Variants in MCTP1 observed in about 807,000 individuals in gnomAD.
MCTP1 encodes multiple C2 and transmembrane domain containing 1, also known as multiple C2 and transmembrane domain-containing protein 1.
A neutral mutation model predicts 120.6 loss-of-function variants in MCTP1; 69 were observed. The ratio of observed to expected loss-of-function variants is 0.57; its 90% CI spans 0.47 to 0.70. The LOEUF is 0.70. MCTP1 is among the 30% of genes least tolerant of loss of function. MCTP1 has a pLI of 0.00. For missense variants in MCTP1, 1,203 were observed against 1,248.8 expected, an observed-to-expected ratio of 0.96 and a Z score of 0.55; for synonymous variants, 529 against 493.1, an observed-to-expected ratio of 1.07 and a Z score of -0.96.
At chr5:94,715,375 A>C (rs1010967823) in intron 19 of MCTP1, among the ~76,000 whole-genome samples, 8 of 150,650 alleles carry the variant, frequency 5.3e-5, no homozygotes, top group East Asian at 1.9e-4. Context: ...AAAAAAAAAA[A>C]AAAAAAAAAA....
intron 1 of MCTP1, among the ~76,000 whole-genome samples, chr5:95,029,711 A>G (rs1038239149): frequency 1.1e-4 from 16 of 152,172 alleles, no homozygotes; most frequent in African/African-American, 3.6e-4. Flanking sequence ...ACTCAGGGCA[A>G]TGCTATCTGT....
At chr5:94,721,837 CTGTTT>C (rs1466792493) in intron 19 of MCTP1, among the ~76,000 whole-genome samples, 3 of 75,584 alleles carry the variant, frequency 4.0e-5, no homozygotes, top group African/African-American at 1.5e-4. Flanking sequence ...GGTAGTGACA[CTGTTT>C]TGTTTTTTTT....
At chr5:95,055,965 A>C (rs1052284170) in intron 1 of MCTP1, among the ~76,000 whole-genome samples, 1 of 152,250 alleles carries the variant, frequency 6.6e-6, no homozygotes, top group South Asian at 2.1e-4. Context: ...TATGCTATAC[A>C]TGTACTTTTA....
At chr5:95,012,791 G>A (rs1249538991) in intron 2 of MCTP1, among the ~76,000 whole-genome samples, 1 of 151,964 alleles carries the variant, frequency 6.6e-6, no homozygotes, top group Non-Finnish European at 1.5e-5. Flanking sequence ...CTTCTCCTCA[G>A]GCCTCCCTAT....
intron 1 of MCTP1, among the ~76,000 whole-genome samples, chr5:95,099,739 G>C (rs1208465683): frequency 2.0e-5 from 3 of 151,582 alleles, no homozygotes; most frequent in Non-Finnish European, 4.4e-5. Flanking sequence ...TCTAGAACTA[G>C]AAATACCATT....
chr5:95,183,191 G>T (rs939947061), intron 1 of MCTP1, among the ~76,000 whole-genome samples: 1 of 152,184 alleles, frequency 6.6e-6, no homozygotes, highest in Non-Finnish European at 1.5e-5. Context: ...AATTCAAAGA[G>T]AAATGGATAG....
intron 1 of MCTP1, among the ~76,000 whole-genome samples, chr5:95,247,701 T>C (rs188442922): frequency 6.6e-6 from 1 of 152,344 alleles, no homozygotes; most frequent in African/African-American, 2.4e-5. Flanking sequence ...TTGTGCGATT[T>C]TGAGTGAGTC....
intron 10 of MCTP1, among the ~76,000 whole-genome samples, chr5:94,908,520 AT>A (rs1212186042): frequency 3.3e-5 from 5 of 151,592 alleles, no homozygotes; most frequent in African/African-American, 7.3e-5. Flanking sequence ...TGAGGAAAGA[AT>A]TTTTTTTTAA....
At chr5:95,081,041 TA>T (rs1374817948) in intron 1 of MCTP1, among the ~76,000 whole-genome samples, 4 of 152,164 alleles carry the variant, frequency 2.6e-5, no homozygotes, top group African/African-American at 9.6e-5. Flanking sequence ...GATAATCATA[TA>T]AATCTGATAT....
At position 94,901,836 on chromosome 5, in the gene MCTP1, C is replaced by T. The variant is rs565075252; in HGVS notation, c.1653-7001G>A. Among the ~76,000 whole-genome samples the T allele has an allele frequency of 4.7e-4, 72 of 152,218 alleles. 1 individual carries two copies. The highest frequency in any genetic ancestry group is 7.6e-4 in the Non-Finnish European group (52 of 68,014). On this transcript the variant is annotated intron_variant, in intron 10 of 22. Coordinates refer to ENST00000515393, the MANE Select transcript of MCTP1 (RefSeq NM_024717.7). The stretch of plus-strand genomic sequence containing the variant: ...TTGTGATTAGCACCCTGGGTGTGTT[C>T]GTATGAGTCCCGTGGGGGTACAGAA...
chr5:95,125,676 T>A (rs540119189), intron 1 of MCTP1, among the ~76,000 whole-genome samples: 6 of 152,342 alleles, frequency 3.9e-5, no homozygotes, highest in African/African-American at 9.6e-5. Flanking sequence ...GAAAACCTTA[T>A]GAGTACAGAA....
chr5:94,985,843 T>A (rs1361989328), intron 2 of MCTP1, among the ~76,000 whole-genome samples: 2 of 152,210 alleles, frequency 1.3e-5, no homozygotes, highest in African/African-American at 4.8e-5. Context: ...AAGGAATGGA[T>A]AAAGATGGTA....
chr5:94,849,417 G>A (rs1012546059), intron 17 of MCTP1, among the ~76,000 whole-genome samples: 6 of 152,056 alleles, frequency 3.9e-5, no homozygotes, highest in East Asian at 1.9e-4. Flanking sequence ...AATATGTGCC[G>A]TTTATTTCTT....
intron 1 of MCTP1, among the ~76,000 whole-genome samples, chr5:95,276,242 A>T (rs1180130436): frequency 1.4e-5 from 2 of 142,430 alleles, no homozygotes; most frequent in Non-Finnish European, 3.0e-5. Flanking sequence ...ATTCTTGGTC[A>T]ATATTGGGAT....
chr5:94,755,534 A>T (rs988029012), intron 19 of MCTP1, among the ~76,000 whole-genome samples: 1 of 152,180 alleles, frequency 6.6e-6, no homozygotes, highest in African/African-American at 2.4e-5. Context: ...CACGACCACA[A>T]CTAATCCAAT....
intron 1 of MCTP1, among the ~76,000 whole-genome samples, chr5:95,255,266 C>T (rs1757763879): frequency 6.6e-6 from 1 of 152,118 alleles, no homozygotes; most frequent in Non-Finnish European, 1.5e-5. Context: ...TTTGTATACC[C>T]AGCACTAGCA....
intron 20 of MCTP1, among the ~76,000 whole-genome samples, chr5:94,712,537 T>C (rs1757436714): frequency 6.6e-6 from 1 of 152,140 alleles, no homozygotes; most frequent in Non-Finnish European, 1.5e-5. Flanking sequence ...TTGTGGCATG[T>C]AGCTTGCTTT....
chr5:94,727,791 A>C (rs368559181), intron 19 of MCTP1, among the ~76,000 whole-genome samples: 3 of 152,206 alleles, frequency 2.0e-5, no homozygotes, highest in East Asian at 3.8e-4. Flanking sequence ...TATAAGCTGC[A>C]AAACAGTAAC....
At chr5:94,953,196 G>GA (rs1394790688) in intron 3 of MCTP1, 23 bp downstream of exon 3, 1 of 1,565,476 alleles carries the variant, frequency 6.4e-7, no homozygotes, top group African/African-American at 1.4e-5. Context: ...TTTCTATCAG[G>GA]AAAAAACAAA....
Sources: gnomAD v4.1 joint callset for allele counts (sites outside exome capture counted in the v4.1 genomes callset) on GRCh38, gnomAD v4.1.1 for gene constraint, MANE v1.5 for transcripts, NCBI Gene and HGNC (gene_info 2026-07-23, HGNC 2026-07-21) for gene names.